Variants in TENM3 observed in about 807,000 individuals in gnomAD.
TENM3 encodes teneurin transmembrane protein 3, also known as teneurin-3.
A neutral mutation model predicts 255.1 loss-of-function variants in TENM3; 63 were observed. The observed-to-expected ratio is 0.25, with a 90% CI of 0.20 to 0.30. The LOEUF (loss-of-function observed/expected upper bound fraction) is 0.30, where lower values mean the gene tolerates loss of function less well. TENM3 is among the 10% of genes least tolerant of loss of function. The pLI is 1.00. For synonymous variants in TENM3, 1,306 were observed against 1,322.3 expected (o/e 0.99, Z 0.27); for missense variants, 2,929 against 3,461.1 (o/e 0.85, Z 3.86).
chr4:182,604,335 A>G (rs1054090084), intron 4 of TENM3, among the ~76,000 whole-genome samples: 1 of 152,174 alleles, frequency 6.6e-6, no homozygotes, highest in Non-Finnish European at 1.5e-5. Context: ...ATCATTTCCT[A>G]TTAACAATCG....
chr4:182,496,063 C>T (rs986939637), intron 3 of TENM3, among the ~76,000 whole-genome samples: 8 of 152,108 alleles, frequency 5.3e-5, no homozygotes, highest in Admixed American at 5.2e-4. Context: ...GGTATAGTAG[C>T]CCTTTGAAAA....
chr4:182,773,754 C>A, intron 23 of TENM3, 107 bp downstream of exon 23: 1 of 947,978 alleles, frequency 1.1e-6, no homozygotes, highest in Non-Finnish European at 1.6e-6. Context: ...AAAATGTAAA[C>A]CTCTAGAAAT....
chr4:182,313,168 A>T (rs1289825002), intron 1 of TENM3, among the ~76,000 whole-genome samples: 1 of 151,618 alleles, frequency 6.6e-6, no homozygotes, highest in Non-Finnish European at 1.5e-5. Flanking sequence ...TTTTGAAAAA[A>T]TTTTTAATGC....
At chr4:181,866,208 A>G in the TENM3 span, among the ~76,000 whole-genome samples, 2 of 152,148 alleles carry the variant, frequency 1.3e-5, no homozygotes, top group African/African-American at 4.8e-5. Flanking sequence ...TGCTATTTCT[A>G]TCTTCTGTAA....
chr4:181,938,667 A>G, the TENM3 span, among the ~76,000 whole-genome samples: 1 of 152,198 alleles, frequency 6.6e-6, no homozygotes, highest in Non-Finnish European at 1.5e-5. Context: ...AGGAATAACA[A>G]ACAAATGCAT....
chr4:182,727,086 A>C (rs1207824366), intron 13 of TENM3, among the ~76,000 whole-genome samples: 1 of 152,178 alleles, frequency 6.6e-6, no homozygotes, highest in Non-Finnish European at 1.5e-5. Context: ...CAGTTCTCCT[A>C]AGAGTGATTA....
At chr4:182,163,693 C>T (rs1488938777) in intron 1 of TENM3, among the ~76,000 whole-genome samples, 5 of 152,176 alleles carry the variant, frequency 3.3e-5, no homozygotes, top group Non-Finnish European at 5.9e-5. Flanking sequence ...AAATGTGGCA[C>T]AACTGAGGAT....
intron 4 of TENM3, among the ~76,000 whole-genome samples, chr4:182,620,755 G>A (rs1192564446): frequency 6.6e-6 from 1 of 152,126 alleles, no homozygotes; most frequent in Non-Finnish European, 1.5e-5. Flanking sequence ...TTGAGACAGG[G>A]TCTTGCTCTG....
At chr4:181,608,955 C>T in the TENM3 span, among the ~76,000 whole-genome samples, 11 of 152,170 alleles carry the variant, frequency 7.2e-5, no homozygotes, top group Middle Eastern at 0.014. Context: ...TTTCCAAAGA[C>T]GAAAATCACA....
chr4:182,522,767 C>T (rs1385956256), intron 3 of TENM3, among the ~76,000 whole-genome samples: 8 of 152,100 alleles, frequency 5.3e-5, no homozygotes, highest in Non-Finnish European at 1.0e-4. Flanking sequence ...CTGTAGTACA[C>T]GTGGGAGTAC....
chr4:181,679,587 C>T, the TENM3 span, among the ~76,000 whole-genome samples: 15 of 151,960 alleles, frequency 9.9e-5, no homozygotes, highest in Admixed American at 7.2e-4. Context: ...TTTAATTAAC[C>T]AGAGTTTTTC....
intron 1 of TENM3, among the ~76,000 whole-genome samples, chr4:182,215,554 T>A (rs927717833): frequency 6.6e-6 from 1 of 152,176 alleles, no homozygotes; most frequent in African/African-American, 2.4e-5. Context: ...CCTCTTACGT[T>A]CATTTCATTA....
the TENM3 span, among the ~76,000 whole-genome samples, chr4:181,598,012 G>A: frequency 6.6e-6 from 1 of 152,154 alleles, no homozygotes; most frequent in Non-Finnish European, 1.5e-5. Flanking sequence ...GCTTCTGGCA[G>A]ATGTATGATG....
chr4:181,749,536 A>G, the TENM3 span, among the ~76,000 whole-genome samples: 5,204 of 152,276 alleles, frequency 0.034, 129 homozygotes, highest in Middle Eastern at 0.11. Context: ...GAGGGCAAGT[A>G]TGTGACTGTA....
intron 3 of TENM3, among the ~76,000 whole-genome samples, chr4:182,453,292 A>G (rs1301285665): frequency 6.6e-6 from 1 of 152,172 alleles, no homozygotes; most frequent in Non-Finnish European, 1.5e-5. Context: ...TATGCCACAG[A>G]TGTTATGTTG....
At chr4:182,770,235 C>A (rs749242439) in intron 22 of TENM3, among the ~76,000 whole-genome samples, 1 of 152,074 alleles carries the variant, frequency 6.6e-6, no homozygotes, top group Admixed American at 6.5e-5. Context: ...TTTAAAAACC[C>A]TGTGTTGATC....
chr4:181,758,796 T>C, the TENM3 span, among the ~76,000 whole-genome samples: 1 of 152,310 alleles, frequency 6.6e-6, no homozygotes, highest in Middle Eastern at 3.4e-3. Flanking sequence ...TGAGCACATG[T>C]AGTTCTGTTT....
At chr4:182,766,426 A>G (rs1303157593) in intron 22 of TENM3, among the ~76,000 whole-genome samples, 2 of 152,184 alleles carry the variant, frequency 1.3e-5, no homozygotes, top group African/African-American at 2.4e-5. Flanking sequence ...TCTCTTAATG[A>G]TGGCTAACCC....
chr4:182,532,414 C>A (rs1275374014), intron 3 of TENM3, among the ~76,000 whole-genome samples: 1 of 152,158 alleles, frequency 6.6e-6, no homozygotes, highest in Non-Finnish European at 1.5e-5. Context: ...TTATTATTGT[C>A]TTTCTTGTGT....
Sources: allele counts gnomAD v4.1 joint callset (sites outside exome capture counted in the v4.1 genomes callset), GRCh38; gene constraint gnomAD v4.1.1; transcripts MANE v1.5; gene names NCBI Gene and HGNC (gene_info 2026-07-23, HGNC 2026-07-21).